The following DYNC1I1 variants were observed in gnomAD, a reference collection of about 807,000 sequenced individuals.
DYNC1I1 encodes dynein cytoplasmic 1 intermediate chain 1.
A neutral mutation model predicts 86.6 loss-of-function variants in DYNC1I1; 43 were observed. The observed-to-expected ratio is 0.50, with a 90% CI of 0.39 to 0.64. The LOEUF (loss-of-function observed/expected upper bound fraction) is 0.64. DYNC1I1 is among the 30% of genes least tolerant of loss of function. The pLI, the probability that DYNC1I1 is intolerant of heterozygous loss-of-function variation, is 0.00. For synonymous variants in DYNC1I1, 262 were observed against 283.7 expected (o/e 0.92, Z 0.77); for missense variants, 604 against 788.8 (o/e 0.77, Z 2.81).
chr7:95,864,077 C>T (rs1448636829), intron 5 of DYNC1I1, among the ~76,000 whole-genome samples: 1 of 152,204 alleles, frequency 6.6e-6, no homozygotes, highest in Non-Finnish European at 1.5e-5. Context: ...TAACTTTCTT[C>T]AGCTTTAGTA....
At chr7:95,836,637 T>C (rs1385273069) in intron 5 of DYNC1I1, among the ~76,000 whole-genome samples, 1 of 152,070 alleles carries the variant, frequency 6.6e-6, no homozygotes, top group African/African-American at 2.4e-5. Flanking sequence ...TTTCACATAG[T>C]CCCATATTTC....
At chr7:95,793,212 A>G (rs1452625483) in intron 1 of DYNC1I1, among the ~76,000 whole-genome samples, 1 of 152,166 alleles carries the variant, frequency 6.6e-6, no homozygotes, top group African/African-American at 2.4e-5. Flanking sequence ...GTGAAAGGAC[A>G]TGGATCAGAG....
chr7:95,867,447 A>C (rs1421229224), intron 5 of DYNC1I1, among the ~76,000 whole-genome samples: 1 of 152,214 alleles, frequency 6.6e-6, no homozygotes, highest in African/African-American at 2.4e-5. Context: ...ATTCAGCTGT[A>C]TGTTCAAAGC....
At chr7:95,930,373 C>A (rs949823667) in intron 6 of DYNC1I1, among the ~76,000 whole-genome samples, 4 of 152,144 alleles carry the variant, frequency 2.6e-5, no homozygotes, top group African/African-American at 4.8e-5. Context: ...TAAAGGATTT[C>A]ACTAGCAGTT....
intron 6 of DYNC1I1, among the ~76,000 whole-genome samples, chr7:95,942,291 C>T (rs929351404): frequency 2.6e-5 from 4 of 152,150 alleles, no homozygotes; most frequent in Admixed American, 6.5e-5. Flanking sequence ...ATAAGTTCCT[C>T]GACACATACA....
chr7:95,862,902 A>G (rs560927964), intron 5 of DYNC1I1, among the ~76,000 whole-genome samples: 4 of 152,326 alleles, frequency 2.6e-5, no homozygotes, highest in South Asian at 4.1e-4. Context: ...ACATCTCTGT[A>G]TTATAATACC....
intron 16 of DYNC1I1, among the ~76,000 whole-genome samples, chr7:96,092,224 AAG>A (rs914424186): frequency 6.6e-6 from 1 of 152,212 alleles, no homozygotes; most frequent in Non-Finnish European, 1.5e-5. Flanking sequence ...GAAAAGAAGA[AAG>A]AGAATATGCA....
At chr7:95,935,387 T>G (rs1040819268) in intron 6 of DYNC1I1, among the ~76,000 whole-genome samples, 1 of 152,090 alleles carries the variant, frequency 6.6e-6, no homozygotes, top group Non-Finnish European at 1.5e-5. Flanking sequence ...CAATGAACAT[T>G]TAGGTTGTTT....
intron 1 of DYNC1I1, among the ~76,000 whole-genome samples, chr7:95,796,858 A>G (rs567703402): frequency 3.7e-4 from 57 of 152,114 alleles, no homozygotes; most frequent in African/African-American, 1.3e-3. Context: ...TATTTTCATA[A>G]TAACACTAAA....
chr7:95,787,077 C>T (rs1794167999), intron 1 of DYNC1I1, among the ~76,000 whole-genome samples: 1 of 152,114 alleles, frequency 6.6e-6, no homozygotes. Context: ...TTAGGTAGCC[C>T]ACATTCTCTA....
At chr7:95,909,170 G>C (rs1427566527) in intron 6 of DYNC1I1, among the ~76,000 whole-genome samples, 1 of 134,596 alleles carries the variant, frequency 7.4e-6, no homozygotes, top group Non-Finnish European at 1.5e-5. Context: ...GAGGAGCTCA[G>C]TAATGAGACA....
At chr7:96,098,512 G>T (rs747268510), downstream of DYNC1I1, 263 of 819,562 alleles carry the variant, frequency 3.2e-4, no homozygotes, top group Non-Finnish European at 3.7e-4. Flanking sequence ...ATACATTAGA[G>T]CCATGTTAAA....
At chr7:96,052,023 T>C (rs1339151050) in intron 14 of DYNC1I1, among the ~76,000 whole-genome samples, 1 of 152,210 alleles carries the variant, frequency 6.6e-6, no homozygotes, top group African/African-American at 2.4e-5. Flanking sequence ...CCTTTCCCTG[T>C]AAGACTGTGA....
In DYNC1I1 at chr7:96,039,438, T is replaced by A; in HGVS notation, c.1509+17T>A. The A allele has an allele frequency of 6.2e-7, 1 of 1,613,558 alleles. No homozygotes were observed. The highest frequency in any genetic ancestry group is 2.2e-5 in the East Asian group (1 of 44,832). On this transcript the variant is annotated intron_variant, in intron 14 of 16. Coordinates refer to ENST00000447467, the MANE Select transcript of DYNC1I1 (RefSeq NM_001135556.2). ...ACCACCAAGGTAAGAATATCTTGACTGAAATTCTCAGATAATACATAAGGG... is the reference window on the plus strand; with the variant it reads ...ACCACCAAGGTAAGAATATCTTGACAGAAATTCTCAGATAATACATAAGGG...
intron 5 of DYNC1I1, among the ~76,000 whole-genome samples, chr7:95,836,452 T>G (rs1305422443): frequency 6.6e-6 from 1 of 151,366 alleles, no homozygotes; most frequent in Non-Finnish European, 1.5e-5. Flanking sequence ...TGTCTTGGAG[T>G]TGCTCTTCTC....
At chr7:95,921,570 T>C (rs1311109025) in intron 6 of DYNC1I1, among the ~76,000 whole-genome samples, 4 of 152,174 alleles carry the variant, frequency 2.6e-5, no homozygotes, top group Non-Finnish European at 5.9e-5. Context: ...AAACTCCTTG[T>C]GTGATCTTGG....
intron 5 of DYNC1I1, among the ~76,000 whole-genome samples, chr7:95,867,607 A>G (rs1790048258): frequency 6.6e-6 from 1 of 152,206 alleles, no homozygotes; most frequent in Non-Finnish European, 1.5e-5. Flanking sequence ...CAAACGAGAT[A>G]GGGCTGCAGC....
At chr7:96,046,773 G>T (rs1371913187) in intron 14 of DYNC1I1, among the ~76,000 whole-genome samples, 2 of 152,182 alleles carry the variant, frequency 1.3e-5, no homozygotes, top group Admixed American at 6.5e-5. Flanking sequence ...AGTCAGTGAT[G>T]ATTCTGATAT....
intron 6 of DYNC1I1, among the ~76,000 whole-genome samples, chr7:95,944,235 A>T (rs551007554): frequency 6.6e-6 from 1 of 152,258 alleles, no homozygotes; most frequent in Non-Finnish European, 1.5e-5. Flanking sequence ...GACACTTCTC[A>T]AAAGAAGATA....
Sources: gnomAD v4.1 joint callset for allele counts (sites outside exome capture counted in the v4.1 genomes callset) on GRCh38, gnomAD v4.1.1 for gene constraint, MANE v1.5 for transcripts, NCBI Gene and HGNC (gene_info 2026-07-23, HGNC 2026-07-21) for gene names.